The following ZNF850 variants were observed in gnomAD, a reference collection of about 807,000 sequenced individuals.
ZNF850 encodes the protein putative zinc finger protein ENSP00000330994.
Under a neutral mutation model 11.9 loss-of-function variants are expected in ZNF850, and 2 were observed. The observed-to-expected ratio is 0.17, with a 90% confidence interval of 0.07 to 0.53. The LOEUF is 0.53. Among genes scored for constraint, ZNF850 ranks in the 20% least tolerant of loss-of-function variants. ZNF850 has a pLI of 0.94. For missense variants in ZNF850, 1,014 were observed against 1,316.4 expected, an observed-to-expected ratio of 0.77 and a Z score of 3.55; for synonymous variants, 381 against 443.0, an observed-to-expected ratio of 0.86 and a Z score of 1.76.
Position 36,749,069 on chromosome 19 carries a change from G to A in ZNF850, c.1971C>T (p.Val657=). The A allele has an allele frequency of 6.2e-7, 1 of 1,605,368 alleles. No homozygotes were observed. Among genetic ancestry groups the A allele is most frequent in the South Asian group, 1.1e-5 (1 of 90,414 alleles). Residue 657 remains valine, a synonymous_variant, in exon 5 of 5, where the codon GTC becomes GTT. Transcript: ENST00000591344. The part of the protein sequence containing the change: ...CQECGKAFVS[V]SGLTQHHRIH... ...TTCTGTGATGTTGGGTGAGTCCTGA[G>A]ACACTGACAAAGGCTTTCCCACATT... is the stretch of plus-strand genomic sequence containing the variant.
At position 36,748,114 on chromosome 19, in the gene ZNF850, T is replaced by C; in HGVS notation, c.2926A>G (p.Thr976Ala). 1.3e-6 allele frequency: 2 copies of C among 1,548,856 alleles called. No homozygotes were observed. The highest frequency in any genetic ancestry group is 1.7e-6 in the Non-Finnish European group (2 of 1,150,304). Residue 976 changes from threonine to alanine, a missense_variant, in exon 5 of 5, where the codon ACC (threonine) becomes GCC (alanine). Coordinates refer to ENST00000591344, the MANE Select transcript of ZNF850 (RefSeq NM_001193552.2). ...THLTLHQRIH[T>A]GDRPYECKEC... Reference sequence around the variant, plus strand: ...TTACATTCATAAGGTCTGTCACCGGTATGAATTCTCTGATGTAGAGTAAGG... The same window carrying C: ...TTACATTCATAAGGTCTGTCACCGGCATGAATTCTCTGATGTAGAGTAAGG...
At chr19:36,765,400 T>C (rs2040543321) in intron 1 of ZNF850, among the ~76,000 whole-genome samples, 1 of 152,154 alleles carries the variant, frequency 6.6e-6, no homozygotes, top group Admixed American at 6.6e-5. Context: ...CTTTATATGA[T>C]ATTATCTGAT....
At chr19:36,771,503 T>C (rs981447523) in intron 1 of ZNF850, among the ~76,000 whole-genome samples, 17 of 145,128 alleles carry the variant, frequency 1.2e-4, no homozygotes, top group Non-Finnish European at 2.4e-4. Flanking sequence ...AATTAGGGGC[T>C]GAAGTGAAAG....
chr19:36,748,167 CAT>C lies in ZNF850; in HGVS notation c.2871_2872del (p.Cys958TrpfsTer20), dbSNP rs1016335295. On this transcript the variant is annotated frameshift_variant, in exon 5 of 5. Transcript: ENST00000591344. LOFTEE classifies it low-confidence loss of function (END_TRUNC). Reference sequence around the variant, plus strand: ...TGTACGCTGTCTGAAGGACTTCCCACATGTCTTACATTCATAGGGTTTCTCGC... The same window carrying C: ...TGTACGCTGTCTGAAGGACTTCCCACGTCTTACATTCATAGGGTTTCTCGC... 7 of 1,552,776 alleles carry C rather than the reference CAT, an allele frequency of 4.5e-6. No individual in the cohort carries two copies. Among genetic ancestry groups the C allele is most frequent in the Non-Finnish European group, 6.1e-6 (7 of 1,151,694 alleles).
chr19:36,765,889 TTTTTTA>T (rs1219269035), intron 1 of ZNF850, among the ~76,000 whole-genome samples: 1 of 133,156 alleles, frequency 7.5e-6, no homozygotes, highest in Non-Finnish European at 1.6e-5. Flanking sequence ...CGGCCAATAA[TTTTTTA>T]TTTTTATTTT....
intron 4 of ZNF850, among the ~76,000 whole-genome samples, chr19:36,751,492 A>G (rs2040453869): frequency 6.6e-6 from 1 of 152,010 alleles, no homozygotes; most frequent in African/African-American, 2.4e-5. Flanking sequence ...CAAGGTCAGG[A>G]GTTCAAGACC....
intron 4 of ZNF850, among the ~76,000 whole-genome samples, chr19:36,758,494 G>A (rs533495559): frequency 1.3e-5 from 2 of 151,932 alleles, no homozygotes; most frequent in South Asian, 4.2e-4. Flanking sequence ...TCAATTCCGT[G>A]CCTCAGTCAT....
chr19:36,746,891 A>ACCTG lies in ZNF850; in HGVS notation c.*872_*875dup, dbSNP rs1355478220. The ACCTG allele has an allele frequency of 6.6e-6, 1 of 151,996 alleles. No individual in the cohort carries two copies. Among genetic ancestry groups the ACCTG allele is most frequent in the African/African-American group, 2.4e-5 (1 of 41,382 alleles). 9.4% of individuals were successfully genotyped at this position (151,996 alleles called of 1,614,324 possible). On this transcript the variant is annotated 3_prime_UTR_variant, in exon 5 of 5. Transcript: ENST00000591344. ...TTACTAGCCAGGCGTGGTGGCTCAC[A>ACCTG]CCTGTAATCCCAGCACTTTGGGAGG...
At chr19:36,765,950 G>A (rs1401648689) in intron 1 of ZNF850, among the ~76,000 whole-genome samples, 2 of 151,944 alleles carry the variant, frequency 1.3e-5, no homozygotes, top group Non-Finnish European at 2.9e-5. Flanking sequence ...GTGCAGTGAG[G>A]TGATCACAGC....
chr19:36,750,001 CAA>C lies in ZNF850; in HGVS notation c.1037_1038del (p.Phe346CysfsTer16). ...TGTCGAATTAGTGCTGAGCCTGAAG[CAA>C]AAGATTTTCCACATTCCTTACAATC... ...PYDCKECGKS[F>X]ASGSALIRHQ... On this transcript the variant is annotated frameshift_variant, in exon 5 of 5. Coordinates refer to ENST00000591344, the MANE Select transcript of ZNF850 (RefSeq NM_001193552.2). LOFTEE classifies it low-confidence loss of function (END_TRUNC). 1.3e-6 allele frequency: 2 copies of C among 1,547,116 alleles called. No homozygotes were observed. Among genetic ancestry groups the C allele is most frequent in the Middle Eastern group, 1.7e-4 (1 of 5,974 alleles).
At chr19:36,754,841 G>A (rs826982) in intron 4 of ZNF850, among the ~76,000 whole-genome samples, 104,941 of 151,962 alleles carry the variant, frequency 0.69, 37,908 homozygotes, top group Non-Finnish European at 0.82. Flanking sequence ...AGGCGTGAGC[G>A]ACCACGCACG....
intron 4 of ZNF850, among the ~76,000 whole-genome samples, chr19:36,755,418 G>A (rs867847732): frequency 6.6e-6 from 1 of 152,054 alleles, no homozygotes; most frequent in Non-Finnish European, 1.5e-5. Context: ...GTACAGAAAG[G>A]GTTTCGCCAT....
chr19:36,762,532 A>G (rs2040525551), intron 2 of ZNF850, 63 bp downstream of exon 2: 1 of 1,536,328 alleles, frequency 6.5e-7, no homozygotes, highest in East Asian at 2.4e-5. Context: ...GAATACAGTG[A>G]GCAGACCAGC....
chr19:36,757,524 T>G (rs1276992677), intron 4 of ZNF850, among the ~76,000 whole-genome samples: 2 of 115,156 alleles, frequency 1.7e-5, no homozygotes, highest in African/African-American at 3.2e-5. Context: ...TTTTTTTTTT[T>G]GAGACAGAGT....
intron 1 of ZNF850, among the ~76,000 whole-genome samples, chr19:36,767,097 C>T (rs963802226): frequency 2.1e-4 from 32 of 151,742 alleles, no homozygotes; most frequent in African/African-American, 7.0e-4. Flanking sequence ...AGTAGCCAGG[C>T]GTGGTGGCAG....
Position 36,762,684 on chromosome 19 carries a change from G to T in ZNF850, c.-69-9C>A. On this transcript the variant is annotated splice_polypyrimidine_tract_variant and intron_variant, in intron 1 of 4. Transcript: ENST00000591344. ...ATATTCCATGGTTAGAGCTGGGAAT[G>T]AATAAAACACATTGATATATTATTT... The T allele has an allele frequency of 1.4e-6, 2 of 1,379,734 alleles. No individual in the cohort carries two copies. The highest frequency in any genetic ancestry group is 1.4e-5 in the African/African-American group (1 of 70,004). The allele number at this position is 1,379,734 out of a possible 1,614,324, so 85.5% of individuals were successfully genotyped here.
rs1283719767 is a variant in ZNF850 at position 36,747,741 on chromosome 19, G to A, written c.*26C>T. On this transcript the variant is annotated 3_prime_UTR_variant, in exon 5 of 5. Transcript: ENST00000591344. ...AATCTGCTGATGATCCATGACAAAT[G>A]GCATGAGAACAGTTTCCTACATTAA... The A allele has an allele frequency of 1.4e-6, 2 of 1,462,002 alleles. No individual in the cohort carries two copies. Among genetic ancestry groups the A allele is most frequent in the South Asian group, 1.4e-5 (1 of 71,150 alleles). 90.6% of individuals were successfully genotyped at this position (1,462,002 alleles called of 1,614,324 possible). A position where few individuals can be genotyped will look rare whatever the true frequency, so the allele number is the denominator to read the frequency against.
At position 36,748,778 on chromosome 19, in the gene ZNF850, C is replaced by T; in HGVS notation, c.2262G>A (p.Glu754=). Residue 754 remains glutamate (E), a synonymous_variant, in exon 5 of 5, where the codon GAG becomes GAA. Coordinates refer to ENST00000591344, the MANE Select transcript of ZNF850 (RefSeq NM_001193552.2). The part of the protein sequence containing the change: ...LIQHQQIHTG[E]KPYDCKECGK... ...CACATTCCTTACAATCATAGGGTTT[C>T]TCACCAGTGTGAATTTGCTGATGTT... The T allele has an allele frequency of 6.4e-7, 1 of 1,552,430 alleles. No homozygotes were observed. The highest frequency in any genetic ancestry group is 8.7e-7 in the Non-Finnish European group (1 of 1,153,898).
chr19:36,765,895 A>C (rs1357084711), intron 1 of ZNF850, among the ~76,000 whole-genome samples: 2 of 143,240 alleles, frequency 1.4e-5, no homozygotes, highest in Non-Finnish European at 3.1e-5. Flanking sequence ...ATAATTTTTT[A>C]TTTTTATTTT....
Sources: gnomAD v4.1 joint callset for allele counts (sites outside exome capture counted in the v4.1 genomes callset) on GRCh38, gnomAD v4.1.1 for gene constraint, MANE v1.5 for transcripts, NCBI Gene and HGNC (gene_info 2026-07-23, HGNC 2026-07-21) for gene names.